Variants in GPHN observed in about 807,000 individuals in gnomAD.
GPHN encodes gephyrin.
GPHN carries 17 observed loss-of-function variants against 95.5 expected under a neutral mutation model. That is an observed-to-expected ratio of 0.18 (90% CI 0.12 to 0.27). The LOEUF is 0.27. Ranked by LOEUF, GPHN falls within the 10% of genes least tolerant of loss-of-function variation. The pLI is 1.00. For synonymous variants in GPHN, 320 were observed against 322.5 expected (o/e 0.99, Z 0.08); for missense variants, 660 against 978.1 (o/e 0.67, Z 4.34).
the GPHN span, among the ~76,000 whole-genome samples, chr14:67,732,998 C>T: frequency 6.6e-6 from 1 of 152,018 alleles, no homozygotes; most frequent in Non-Finnish European, 1.5e-5. Context: ...GGAGGGATAG[C>T]ATTAGGAGAT....
At chr14:66,600,126 CATT>C (rs1188711222) in intron 1 of GPHN, among the ~76,000 whole-genome samples, 1 of 151,860 alleles carries the variant, frequency 6.6e-6, no homozygotes, top group African/African-American at 2.4e-5. Context: ...GTTTTTGCAT[CATT>C]ATTCTTCAGT....
intron 1 of GPHN, among the ~76,000 whole-genome samples, chr14:66,676,980 G>C (rs1382437813): frequency 6.6e-6 from 1 of 151,722 alleles, no homozygotes; most frequent in East Asian, 1.9e-4. Context: ...TTATTGATCT[G>C]CTCAGGTTTT....
the GPHN span, chr14:67,572,178 C>T: frequency 3.7e-6 from 6 of 1,606,902 alleles, no homozygotes; most frequent in Admixed American, 3.4e-5. Context: ...ACTACGCCAT[C>T]CCCCCGGACG....
At chr14:67,425,321 C>A in the GPHN span, among the ~76,000 whole-genome samples, 1,217 of 152,258 alleles carry the variant, frequency 8.0e-3, 6 homozygotes, top group Middle Eastern at 0.014. Context: ...GAGGCCAAGG[C>A]GGGAGAATCA....
intron 18 of GPHN, among the ~76,000 whole-genome samples, chr14:67,151,119 G>A (rs2081260399): frequency 6.6e-6 from 1 of 152,136 alleles, no homozygotes; most frequent in Non-Finnish European, 1.5e-5. Flanking sequence ...GAAATAGGAA[G>A]GCAAACACTT....
At chr14:67,090,225 T>G (rs1242874868) in intron 12 of GPHN, among the ~76,000 whole-genome samples, 2 of 152,094 alleles carry the variant, frequency 1.3e-5, no homozygotes, top group Non-Finnish European at 2.9e-5. Flanking sequence ...TTATGGAGTC[T>G]CTTACTTGGT....
At chr14:66,902,256 C>T (rs1158988895) in intron 5 of GPHN, among the ~76,000 whole-genome samples, 3 of 151,896 alleles carry the variant, frequency 2.0e-5, no homozygotes, top group African/African-American at 7.2e-5. Context: ...TTTATCAATT[C>T]CAACAGTGTT....
intron 2 of GPHN, among the ~76,000 whole-genome samples, chr14:66,733,471 A>G (rs915402550): frequency 7.9e-5 from 12 of 152,174 alleles, no homozygotes; most frequent in Non-Finnish European, 7.4e-5. Flanking sequence ...ATCTATTTAT[A>G]TAAATCCAAT....
At chr14:67,325,634 T>A in the GPHN span, among the ~76,000 whole-genome samples, 17 of 152,284 alleles carry the variant, frequency 1.1e-4, no homozygotes, top group South Asian at 3.5e-3. Context: ...CCATGGTTGT[T>A]CAAGGAAAAG....
the GPHN span, among the ~76,000 whole-genome samples, chr14:67,458,696 C>T: frequency 9.2e-4 from 140 of 152,196 alleles, no homozygotes; most frequent in Non-Finnish European, 5.3e-4. Flanking sequence ...GGAACTGATA[C>T]TTTATATGCT....
At chr14:67,014,606 T>C (rs192998771) in intron 9 of GPHN, among the ~76,000 whole-genome samples, 2 of 152,260 alleles carry the variant, frequency 1.3e-5, no homozygotes, top group East Asian at 3.9e-4. Flanking sequence ...ATAATTAAGT[T>C]TGGAAGTCAA....
intron 4 of GPHN, among the ~76,000 whole-genome samples, chr14:66,837,750 G>A (rs1331420253): frequency 6.6e-6 from 1 of 151,670 alleles, no homozygotes; most frequent in African/African-American, 2.4e-5. Context: ...TTGCAATTTT[G>A]AGAATAAGGC....
At chr14:67,013,306 G>A (rs1229842836) in intron 9 of GPHN, among the ~76,000 whole-genome samples, 4 of 151,918 alleles carry the variant, frequency 2.6e-5, no homozygotes, top group African/African-American at 9.7e-5. Context: ...AAGAGGATTC[G>A]CTACATACAC....
At chr14:67,585,704 GTCTTT>G in the GPHN span, 1 of 1,336,446 alleles carries the variant, frequency 7.5e-7, no homozygotes, top group Non-Finnish European at 1.0e-6. Flanking sequence ...CCTCAACATG[GTCTTT>G]TCTTCTCCTC....
the GPHN span, chr14:67,573,375 T>C: frequency 6.3e-7 from 1 of 1,599,998 alleles, no homozygotes; most frequent in South Asian, 1.1e-5. The surrounding 1 kb of genome is among the most constrained non-coding windows in gnomAD (Gnocchi z 4.8). Flanking sequence ...GATTATGTAC[T>C]ACAAGTCCCC....
At chr14:67,348,995 C>T in the GPHN span, 3 of 1,578,982 alleles carry the variant, frequency 1.9e-6, no homozygotes, top group Admixed American at 5.1e-5. Context: ...AAAATGTCAC[C>T]TCTTTTCTCC....
chr14:67,009,016 C>T (rs1048369769), intron 9 of GPHN, among the ~76,000 whole-genome samples: 2 of 152,118 alleles, frequency 1.3e-5, no homozygotes, highest in African/African-American at 2.4e-5. Context: ...CTAAGAATCC[C>T]TGTTCCATTA....
intron 2 of GPHN, among the ~76,000 whole-genome samples, chr14:66,683,358 A>T (rs1385552073): frequency 2.7e-5 from 2 of 75,462 alleles, no homozygotes; most frequent in East Asian, 4.6e-4. Flanking sequence ...ATATATATAT[A>T]TATATATATA....
At chr14:67,674,635 C>T in the GPHN span, 1 of 579,754 alleles carries the variant, frequency 1.7e-6, no homozygotes, top group Non-Finnish European at 2.8e-6. Context: ...GGAGCCGCGG[C>T]AGGGTCCTCT....
Sources: gnomAD v4.1 joint callset for allele counts (sites outside exome capture counted in the v4.1 genomes callset) on GRCh38, gnomAD v4.1.1 for gene constraint, Gnocchi (gnomAD v3.1) non-coding constraint, MANE v1.5 for transcripts, NCBI Gene and HGNC (gene_info 2026-07-23, HGNC 2026-07-21) for gene names.